ACKR3: variants seen among roughly 807,000 people sequenced by gnomAD.
ACKR3 encodes the protein atypical chemokine receptor 3, also known as C-X-C chemokine receptor type 7.
A neutral mutation model predicts 22.4 loss-of-function variants in ACKR3; 6 were observed. That is an observed-to-expected ratio of 0.27 (90% CI 0.15 to 0.53). ACKR3 has a LOEUF of 0.53. ACKR3 is among the 20% of genes least tolerant of loss of function. ACKR3 has a pLI of 0.96. For synonymous variants in ACKR3, 209 were observed against 205.2 expected, an observed-to-expected ratio of 1.02 and a Z score of -0.16; for missense variants, 396 against 475.2, an observed-to-expected ratio of 0.83 and a Z score of 1.55.
In ACKR3 at chr2:236,577,402, G is replaced by A. The variant is rs1691432762; in HGVS notation, c.-26-3038G>A. Among the ~76,000 whole-genome samples the A allele has an allele frequency of 6.6e-6, 1 of 152,182 alleles. No homozygotes were observed. The highest frequency in any genetic ancestry group is 6.5e-5 in the Admixed American group (1 of 15,286). ...TCACCCAAAGAGGCAAAGGTAGAAA[G>A]CCAAGGGCTGGATGGGGGTCCCTGA... On this transcript the variant is annotated intron_variant, in intron 1 of 1. Coordinates refer to ENST00000272928, the MANE Select transcript of ACKR3 (RefSeq NM_020311.3). The surrounding 1 kb of genome is among the most constrained non-coding windows in gnomAD (Gnocchi z 5.6).
At chr2:236,539,313 T>G in the ACKR3 span, among the ~76,000 whole-genome samples, 1 of 139,894 alleles carries the variant, frequency 7.1e-6, no homozygotes, top group African/African-American at 2.6e-5. Context: ...TTTCTTTTTT[T>G]TTTTTTTTTT....
the ACKR3 span, among the ~76,000 whole-genome samples, chr2:236,543,941 G>GTGTATA: frequency 3.5e-5 from 2 of 57,760 alleles, no homozygotes; most frequent in Non-Finnish European, 4.4e-5. Context: ...TGGGAGAAGG[G>GTGTATA]TATATATATA....
At chr2:236,543,063 A>G in the ACKR3 span, among the ~76,000 whole-genome samples, 1 of 152,198 alleles carries the variant, frequency 6.6e-6, no homozygotes, top group African/African-American at 2.4e-5. Context: ...GGTGCAATCA[A>G]TGCTTTACCG....
chr2:236,578,724 A>G (rs1691462946), intron 1 of ACKR3, among the ~76,000 whole-genome samples: 2 of 152,222 alleles, frequency 1.3e-5, no homozygotes, highest in Non-Finnish European at 2.9e-5. Flanking sequence ...CTCACTTTTC[A>G]GGGATTCTGT....
upstream of ACKR3, chr2:236,567,949 C>G (rs1167921655): frequency 7.9e-6 from 1 of 125,920 alleles, no homozygotes; most frequent in South Asian, 2.6e-4. Flanking sequence ...TGTGTGGGTG[C>G]GGGGCTGGGT....
chr2:236,547,358 A>G, the ACKR3 span, among the ~76,000 whole-genome samples: 1 of 152,174 alleles, frequency 6.6e-6, no homozygotes, highest in Non-Finnish European at 1.5e-5. Flanking sequence ...TTCTTTAGAG[A>G]GGCAAATTTA....
At chr2:236,560,086 C>T in the ACKR3 span, among the ~76,000 whole-genome samples, 1 of 152,182 alleles carries the variant, frequency 6.6e-6, no homozygotes, top group Admixed American at 6.5e-5. Flanking sequence ...TTGATTAGGA[C>T]TACATTGAAT....
At chr2:236,545,695 A>G in the ACKR3 span, among the ~76,000 whole-genome samples, 2 of 152,254 alleles carry the variant, frequency 1.3e-5, no homozygotes, top group Admixed American at 1.3e-4. This position sits in a 1 kb window ranked among gnomAD's most constrained non-coding sequence, Gnocchi z 5.3. Flanking sequence ...TTCATGGTAT[A>G]TGACACGGAA....
chr2:236,552,712 A>G, the ACKR3 span, among the ~76,000 whole-genome samples: 1 of 152,142 alleles, frequency 6.6e-6, no homozygotes, highest in Non-Finnish European at 1.5e-5. Flanking sequence ...GCGTGTAGGA[A>G]ACTTGGAGTT....
chr2:236,548,074 C>T, the ACKR3 span, among the ~76,000 whole-genome samples: 1 of 152,164 alleles, frequency 6.6e-6, no homozygotes, highest in Admixed American at 6.5e-5. This position sits in a 1 kb window ranked among gnomAD's most constrained non-coding sequence, Gnocchi z 4.3. Flanking sequence ...TTTCTCCTTC[C>T]CATTTCCCAT....
chr2:236,556,792 G>A, the ACKR3 span, among the ~76,000 whole-genome samples: 6 of 152,318 alleles, frequency 3.9e-5, no homozygotes, highest in South Asian at 1.0e-3. Context: ...AGGTTCAAGT[G>A]ATTCTCCTGC....
At chr2:236,538,906 G>A in the ACKR3 span, among the ~76,000 whole-genome samples, 1 of 152,166 alleles carries the variant, frequency 6.6e-6, no homozygotes, top group Non-Finnish European at 1.5e-5. Flanking sequence ...GCTAAGCCTG[G>A]ATACTCTAGC....
the ACKR3 span, among the ~76,000 whole-genome samples, chr2:236,546,381 C>A: frequency 6.6e-6 from 1 of 152,192 alleles, no homozygotes. The surrounding 1 kb of genome is among the most constrained non-coding windows in gnomAD (Gnocchi z 4.9). Flanking sequence ...GTCCATCTCT[C>A]TCCACAAGGG....
the ACKR3 span, among the ~76,000 whole-genome samples, chr2:236,550,533 G>A: frequency 6.6e-6 from 1 of 152,184 alleles, no homozygotes; most frequent in African/African-American, 2.4e-5. The surrounding 1 kb of genome is among the most constrained non-coding windows in gnomAD (Gnocchi z 4.6). Context: ...TAGGTGGTCT[G>A]CACCAAGGGT....
At chr2:236,552,245 C>T in the ACKR3 span, among the ~76,000 whole-genome samples, 1 of 152,158 alleles carries the variant, frequency 6.6e-6, no homozygotes. Context: ...GTCGCCCTGG[C>T]CAGGACTTCT....
chr2:236,563,017 C>T (rs1691103963), upstream of ACKR3, among the ~76,000 whole-genome samples: 1 of 152,204 alleles, frequency 6.6e-6, no homozygotes, highest in Admixed American at 6.5e-5. Flanking sequence ...GGCATTGTGA[C>T]TACAGTTTGT....
rs549062216 is a variant in ACKR3, at chr2:236,570,334, T to C, written c.-27+410T>C. 2.0e-5 allele frequency among the ~76,000 whole-genome samples: 3 copies of C among 152,336 alleles called. No homozygotes were observed. In the East Asian group the frequency reaches 5.8e-4, roughly 29 times the overall value. ...CACTGTTTACCTGTTTTGCTTCTAG[T>C]ATATCAGTTTGGAAACAGATAAAAT... On this transcript the variant is annotated intron_variant, in intron 1 of 1. Transcript: ENST00000272928.
chr2:236,566,999 C>T (rs1289835645), upstream of ACKR3, among the ~76,000 whole-genome samples: 1 of 151,046 alleles, frequency 6.6e-6, no homozygotes. Flanking sequence ...TCCTTCCTTC[C>T]TTCCCCCTTC....
chr2:236,555,550 G>A, the ACKR3 span, among the ~76,000 whole-genome samples: 1 of 152,166 alleles, frequency 6.6e-6, no homozygotes, highest in African/African-American at 2.4e-5. Flanking sequence ...AAGAAGAAAT[G>A]AGCCCTAAAA....
Sources: allele counts gnomAD v4.1 joint callset (sites outside exome capture counted in the v4.1 genomes callset), GRCh38; gene constraint gnomAD v4.1.1; non-coding constraint Gnocchi (gnomAD v3.1); transcripts MANE v1.5; gene names NCBI Gene and HGNC (gene_info 2026-07-23, HGNC 2026-07-21).